Variants in CFAP47 observed in about 807,000 individuals in gnomAD.
CFAP47 encodes the protein cilia and flagella associated protein 47, also known as cilia- and flagella-associated protein 47.
Under a neutral mutation model 148.1 loss-of-function variants are expected in CFAP47, and 29 were observed. The observed-to-expected ratio is 0.20, with a 90% confidence interval of 0.15 to 0.27. The LOEUF (loss-of-function observed/expected upper bound fraction) is 0.27, where lower values mean the gene tolerates loss of function less well. Among genes scored for constraint, CFAP47 ranks in the 10% least tolerant of loss-of-function variants. The pLI is 1.00. For synonymous variants in CFAP47, 664 were observed against 577.3 expected (o/e 1.15, Z -2.15); for missense variants, 1,872 against 1,697.5 (o/e 1.10, Z -1.81).
Position 36,128,328 on chromosome X carries a change from G to A in CFAP47, c.5321-9630G>A, listed in dbSNP as rs770449485. The stretch of plus-strand genomic sequence containing the variant: ...GCCCTCACTATGTTATGCCTATAAA[G>A]TAGCTGTGAAAAACTGAGATCAGCC... On this transcript the variant is annotated intron_variant, in intron 33 of 63. Transcript: ENST00000378653. Among the ~76,000 whole-genome samples the A allele has an allele frequency of 9.9e-5, 11 of 111,193 alleles. No homozygotes were observed. The South Asian group carries it at 4.1e-3, about 41-fold the overall frequency.
chrX:36,360,947 A>G (rs1355639715), intron 60 of CFAP47, among the ~76,000 whole-genome samples: 1 of 111,994 alleles, frequency 8.9e-6, no homozygotes, highest in East Asian at 2.8e-4. Flanking sequence ...TGACTTCTTC[A>G]TAAGTTTTAA....
intron 39 of CFAP47, among the ~76,000 whole-genome samples, chrX:36,177,821 G>C (rs771726469): frequency 2.7e-5 from 3 of 111,788 alleles, no homozygotes; most frequent in Non-Finnish European, 5.6e-5. Context: ...TCCAGCAATC[G>C]TAATAGTGGG....
At chrX:36,359,824 C>T (rs1352274085) in intron 60 of CFAP47, among the ~76,000 whole-genome samples, 1 of 111,243 alleles carries the variant, frequency 9.0e-6, no homozygotes, top group African/African-American at 3.3e-5. Flanking sequence ...AATCTCGGCT[C>T]ACTGCAAACT....
chrX:36,273,372 A>T (rs1227705850), intron 49 of CFAP47, among the ~76,000 whole-genome samples: 2 of 111,743 alleles, frequency 1.8e-5, no homozygotes, highest in African/African-American at 6.5e-5. Flanking sequence ...TTGTGCTATT[A>T]AAAACATAAT....
intron 2 of CFAP47, among the ~76,000 whole-genome samples, chrX:35,936,190 C>T (rs1935908365): frequency 1.8e-5 from 2 of 111,622 alleles, no homozygotes; most frequent in Admixed American, 1.9e-4. Flanking sequence ...TGAGACTTTG[C>T]TCATTTTTTT....
chrX:36,000,550 TGC>T (rs1384834269), intron 20 of CFAP47, 123 bp downstream of exon 20: 46 of 261,836 alleles, frequency 1.8e-4, no homozygotes, highest in African/African-American at 1.1e-3. Context: ...TAATGACCAC[TGC>T]ATGTTTTTCT....
intron 45 of CFAP47, among the ~76,000 whole-genome samples, chrX:36,221,032 G>A (rs1283041059): frequency 9.0e-6 from 1 of 111,361 alleles, no homozygotes; most frequent in Non-Finnish European, 1.9e-5. Context: ...ATGAACTTGA[G>A]ACCATTTAAA....
intron 57 of CFAP47, among the ~76,000 whole-genome samples, chrX:36,331,744 T>A (rs72618299): frequency 1.8e-5 from 2 of 111,843 alleles, no homozygotes; most frequent in East Asian, 5.6e-4. Flanking sequence ...TGACCACTTC[T>A]TACTACCTCC....
chrX:36,261,472 G>A (rs1464826266), intron 49 of CFAP47, among the ~76,000 whole-genome samples: 3 of 105,470 alleles, frequency 2.8e-5, no homozygotes, highest in Admixed American at 1.0e-4. Context: ...AGGACCCTGC[G>A]GCCTTCCTCA....
chrX:35,950,022 A>G (rs1157748479), intron 4 of CFAP47, among the ~76,000 whole-genome samples: 1 of 111,868 alleles, frequency 8.9e-6, no homozygotes, highest in African/African-American at 3.3e-5. Context: ...AAAAAACACT[A>G]CTATTCATGT....
intron 51 of CFAP47, among the ~76,000 whole-genome samples, chrX:36,297,006 G>T (rs1037831904): frequency 9.0e-6 from 1 of 111,429 alleles, no homozygotes; most frequent in South Asian, 3.7e-4. Flanking sequence ...AAGTTTAAAT[G>T]CCCACTTATT....
chrX:36,241,611 T>A (rs1837336173), intron 48 of CFAP47, among the ~76,000 whole-genome samples: 1 of 111,870 alleles, frequency 8.9e-6, no homozygotes, highest in South Asian at 3.7e-4. Flanking sequence ...CCCCTAGCTG[T>A]GGGCCTGTCA....
In CFAP47 at chrX:36,294,573, A is replaced by G. The variant is rs782072224; in HGVS notation, c.7687-4404A>G. ...AAAATACAAAAAAAATTAGCCAGGC[A>G]TGGTGGCAGGCGCCTGTAGTCCCAG... On this transcript the variant is annotated intron_variant, in intron 51 of 63. Transcript: ENST00000378653. Among the ~76,000 whole-genome samples, 168 of 110,125 alleles carry G rather than the reference A, an allele frequency of 1.5e-3. 1 individual carries two copies. The highest frequency in any genetic ancestry group is 2.5e-3 in the Admixed American group (26 of 10,293).
At chrX:36,299,479 T>C (rs1941277238) in intron 52 of CFAP47, among the ~76,000 whole-genome samples, 1 of 112,080 alleles carries the variant, frequency 8.9e-6, no homozygotes, top group African/African-American at 3.2e-5. Context: ...GATTAAACTT[T>C]CAATTTTCTT....
chrX:36,026,812 G>A (rs1937222152), intron 22 of CFAP47, among the ~76,000 whole-genome samples: 1 of 109,903 alleles, frequency 9.1e-6, no homozygotes. Flanking sequence ...TTAATTTTTT[G>A]AGAATTTTCA....
At position 35,962,926 on chromosome X, in the gene CFAP47, GGTGTGTGTGTGT is replaced by G. The variant is rs59734260; in HGVS notation, c.1411-3604_1411-3593del. ...CATTCCCCTTGGATAAATAAAATGT[GGTGTGTGTGTGT>G]GTGTGTGTGTGTGTGTGTGTGTGTG... On this transcript the variant is annotated intron_variant, in intron 8 of 63. Transcript: ENST00000378653. 1.6e-3 allele frequency among the ~76,000 whole-genome samples: 149 copies of G among 90,788 alleles called. 1 individual carries two copies. The highest frequency in any genetic ancestry group is 4.5e-3 in the African/African-American group (111 of 24,659). 78.8% of individuals were successfully genotyped at this position (90,788 alleles called of 115,157 possible). A position where few individuals can be genotyped will look rare whatever the true frequency, so the allele number is the denominator to read the frequency against.
intron 39 of CFAP47, among the ~76,000 whole-genome samples, chrX:36,170,477 G>A (rs1939555750): frequency 9.2e-6 from 1 of 109,064 alleles, no homozygotes; most frequent in Non-Finnish European, 1.9e-5. Context: ...TCCCCAGAGT[G>A]TGATGTTCCC....
intron 61 of CFAP47, among the ~76,000 whole-genome samples, chrX:36,364,762 C>T (rs932422534): frequency 1.9e-5 from 2 of 107,201 alleles, no homozygotes; most frequent in African/African-American, 6.6e-5. Context: ...TATGCATTGG[C>T]CTTTTATATT....
At chrX:36,346,477 A>G (rs1488519145) in intron 57 of CFAP47, among the ~76,000 whole-genome samples, 3 of 111,787 alleles carry the variant, frequency 2.7e-5, no homozygotes, top group African/African-American at 9.8e-5. Flanking sequence ...AACTAGGAGC[A>G]GATGCCCCTT....
Sources: gnomAD v4.1 joint callset for allele counts (sites outside exome capture counted in the v4.1 genomes callset) on GRCh38, gnomAD v4.1.1 for gene constraint, MANE v1.5 for transcripts, NCBI Gene and HGNC (gene_info 2026-07-23, HGNC 2026-07-21) for gene names.